Variants in RGSL1 observed in about 807,000 individuals in gnomAD.
RGSL1 encodes regulator of G protein signaling like 1, also known as regulator of G protein signaling protein-like.
In RGSL1, 97 loss-of-function variants were observed where a neutral mutation model predicts 124.7. That is an observed-to-expected ratio of 0.78 (90% CI 0.66 to 0.92). RGSL1 has a LOEUF of 0.92. Ranked by LOEUF, RGSL1 falls within the 40% of genes least tolerant of loss-of-function variation. The pLI is 0.00. For synonymous variants in RGSL1, 424 were observed against 438.1 expected (o/e 0.97, Z 0.40); for missense variants, 1,233 against 1,288.4 (o/e 0.96, Z 0.66).
chr1:182,530,058 A>G (rs1659048649), intron 11 of RGSL1, among the ~76,000 whole-genome samples, 186 bp from the exon 12 acceptor site: 1 of 152,092 alleles, frequency 6.6e-6, no homozygotes, highest in South Asian at 2.1e-4. Context: ...TTACAAATGC[A>G]TTTGTACATA....
intron 9 of RGSL1, among the ~76,000 whole-genome samples, chr1:182,504,114 G>A (rs188154228): frequency 3.8e-4 from 57 of 151,638 alleles, no homozygotes; most frequent in Admixed American, 1.1e-3. Context: ...CTGAGTAGCT[G>A]GGACTACAGG....
chr1:182,471,785 C>T (rs929993605), intron 4 of RGSL1, among the ~76,000 whole-genome samples: 1 of 152,120 alleles, frequency 6.6e-6, no homozygotes, highest in Non-Finnish European at 1.5e-5. Context: ...TCTATTGGGT[C>T]CAGTAGTTAC....
chr1:182,514,501 C>T (rs749311757), intron 9 of RGSL1, among the ~76,000 whole-genome samples: 2 of 152,170 alleles, frequency 1.3e-5, no homozygotes, highest in African/African-American at 2.4e-5. Flanking sequence ...AGTAACATCA[C>T]GTCTCTCCAG....
chr1:182,547,412 A>G (rs2102318577), intron 15 of RGSL1, among the ~76,000 whole-genome samples: 2 of 152,196 alleles, frequency 1.3e-5, no homozygotes, highest in Admixed American at 1.3e-4. Context: ...GCAGAGGGAG[A>G]TACTAGTCAG....
chr1:182,550,477 G>A (rs1660489095), intron 17 of RGSL1: 1 of 152,224 alleles, frequency 6.6e-6, no homozygotes, highest in Non-Finnish European at 1.5e-5. Flanking sequence ...GACCTCCAAG[G>A]GATCCAATCC....
chr1:182,469,576 A>G (rs1037844327), intron 4 of RGSL1, among the ~76,000 whole-genome samples: 1 of 152,156 alleles, frequency 6.6e-6, no homozygotes, highest in Non-Finnish European at 1.5e-5. Flanking sequence ...AAATGGTACA[A>G]ACTGTGGAAA....
chr1:182,458,986 A>G (rs1652581325), intron 3 of RGSL1, among the ~76,000 whole-genome samples: 1 of 152,214 alleles, frequency 6.6e-6, no homozygotes, highest in African/African-American at 2.4e-5. Context: ...TGGGATTCTC[A>G]CATCTACCGT....
chr1:182,551,042 G>T (rs1660526692), intron 17 of RGSL1, 58 bp from the exon 18 acceptor site: 1 of 1,191,822 alleles, frequency 8.4e-7, no homozygotes. Context: ...TGTGCTCGGT[G>T]CTCCAGCCCC....
Position 182,551,206 on chromosome 1 carries a change from G to A in RGSL1, c.3040G>A (p.Gly1014Arg), listed in dbSNP as rs1442867571. 2.6e-6 allele frequency: 4 copies of A among 1,548,616 alleles called. No individual in the cohort carries two copies. The highest frequency in any genetic ancestry group is 3.5e-6 in the Non-Finnish European group (4 of 1,144,598). Residue 1014 changes from glycine to arginine, a missense_variant, in exon 18 of 22, where the codon GGA becomes AGA. Physicochemically the swap from Gly to Arg is moderately radical, Grantham distance 125. Coordinates refer to ENST00000294854, the MANE Select transcript of RGSL1 (RefSeq NM_001137669.2). ...KSTDKYPFSS[G>R]GDNAILRFTL... Reference sequence around the variant, plus strand: ...TACGGACAAGTATCCTTTCTCGAGTGGAGGTAAGCTCCACCACGACTCACA... The same window carrying A: ...TACGGACAAGTATCCTTTCTCGAGTAGAGGTAAGCTCCACCACGACTCACA...
At chr1:182,536,759 G>A (rs565096584) in intron 14 of RGSL1, among the ~76,000 whole-genome samples, 1 of 152,228 alleles carries the variant, frequency 6.6e-6, no homozygotes, top group South Asian at 2.1e-4. Context: ...AGCTTGTGTA[G>A]GGAAACTCCC....
At chr1:182,450,677 A>G (rs1651739505) in intron 1 of RGSL1, 1 of 184,010 alleles carries the variant, frequency 5.4e-6, no homozygotes, top group Non-Finnish European at 1.2e-5. Flanking sequence ...TGGCAATGGC[A>G]AGCCCTAGCA....
chr1:182,528,242 C>A (rs1658901393), intron 11 of RGSL1, among the ~76,000 whole-genome samples: 1 of 152,160 alleles, frequency 6.6e-6, no homozygotes, highest in African/African-American at 2.4e-5. Context: ...ATTCAATTAT[C>A]TCCACCTGGT....
intron 6 of RGSL1, among the ~76,000 whole-genome samples, chr1:182,482,224 G>A (rs1352624191): frequency 6.6e-6 from 1 of 151,950 alleles, no homozygotes; most frequent in Non-Finnish European, 1.5e-5. Flanking sequence ...ACATATAGAA[G>A]GAAGGTACTC....
At chr1:182,551,386 G>A (rs558020208) in intron 18 of RGSL1, among the ~76,000 whole-genome samples, 177 bp downstream of exon 18, 21 of 152,314 alleles carry the variant, frequency 1.4e-4, no homozygotes, top group Admixed American at 1.2e-3. Flanking sequence ...TGAATTACCT[G>A]TCACTAGCAG....
intron 6 of RGSL1, among the ~76,000 whole-genome samples, chr1:182,480,285 G>T (rs174843): frequency 0.077 from 11,692 of 152,100 alleles, 616 homozygotes; most frequent in East Asian, 0.25. Flanking sequence ...ATATTCCATA[G>T]CCAGACGTGG....
chr1:182,533,185 TA>T (rs1485901004), intron 14 of RGSL1, among the ~76,000 whole-genome samples: 1 of 152,128 alleles, frequency 6.6e-6, no homozygotes, highest in African/African-American at 2.4e-5. Context: ...CCTCAAGAGA[TA>T]ACATTGTTAA....
In RGSL1 at chr1:182,530,234, C is replaced by G; in HGVS notation, c.2126-10C>G. 1.3e-6 allele frequency: 2 copies of G among 1,540,452 alleles called. No homozygotes were observed. The highest frequency in any genetic ancestry group is 1.8e-6 in the Non-Finnish European group (2 of 1,139,432). On this transcript the variant is annotated splice_polypyrimidine_tract_variant and intron_variant, in intron 11 of 21. Coordinates refer to ENST00000294854, the MANE Select transcript of RGSL1 (RefSeq NM_001137669.2). Reference sequence around the variant, plus strand: ...GGATTACAGCTTCTTTTCTCTCTTGCATTTTCTAGAAGAAATGCTGCAGTG... The same window carrying G: ...GGATTACAGCTTCTTTTCTCTCTTGGATTTTCTAGAAGAAATGCTGCAGTG...
intron 9 of RGSL1, among the ~76,000 whole-genome samples, chr1:182,495,524 T>C (rs115219391): frequency 0.021 from 3,206 of 152,310 alleles, 115 homozygotes; most frequent in African/African-American, 0.073. Flanking sequence ...AAACCATTCA[T>C]CACTGCCCAT....
At chr1:182,559,390 A>G (rs1402958785) in intron 21 of RGSL1, among the ~76,000 whole-genome samples, 1 of 152,070 alleles carries the variant, frequency 6.6e-6, no homozygotes, top group Non-Finnish European at 1.5e-5. Context: ...CCCATATTTT[A>G]CATGCAGGAA....
Sources: allele counts gnomAD v4.1 joint callset (sites outside exome capture counted in the v4.1 genomes callset), GRCh38; gene constraint gnomAD v4.1.1; transcripts MANE v1.5; gene names NCBI Gene and HGNC (gene_info 2026-07-23, HGNC 2026-07-21).